SREBF2: variants seen among roughly 807,000 people sequenced by gnomAD.
The protein encoded by SREBF2 is sterol regulatory element binding transcription factor 2.
SREBF2 carries 55 observed loss-of-function variants against 113.1 expected under a neutral mutation model. That is an observed-to-expected ratio of 0.49 (90% CI 0.39 to 0.61). SREBF2 has a LOEUF of 0.61. Among genes scored for constraint, SREBF2 ranks in the 20% least tolerant of loss-of-function variants. SREBF2 has a pLI of 0.00. For synonymous variants in SREBF2, 593 were observed against 605.7 expected (o/e 0.98, Z 0.31); for missense variants, 1,349 against 1,487.4 (o/e 0.91, Z 1.53).
At chr22:41,884,429 C>T (rs1009172358) in intron 10 of SREBF2, among the ~76,000 whole-genome samples, 1 of 152,168 alleles carries the variant, frequency 6.6e-6, no homozygotes, top group Non-Finnish European at 1.5e-5. Flanking sequence ...GAGCCACTGG[C>T]ACCCAGCCAC....
At position 41,906,037 on chromosome 22, in the gene SREBF2, C is replaced by T. The variant is rs2077505843; in HGVS notation, c.*377C>T. The T allele has an allele frequency of 6.3e-6, 3 of 478,720 alleles. No homozygotes were observed. Among genetic ancestry groups the T allele is most frequent in the Middle Eastern group, 3.1e-4 (1 of 3,220 alleles). The allele number at this position is 478,720 out of a possible 1,614,324, so 29.7% of individuals were successfully genotyped here. A position where few individuals can be genotyped will look rare whatever the true frequency, so the allele number is the denominator to read the frequency against. On this transcript the variant is annotated 3_prime_UTR_variant, in exon 19 of 19. Transcript: ENST00000361204. ...TTATCAGGCTTTCTCTGGGGGACAG[C>T]AGTCTCTGAGCACCAGGGAGCAGTT...
intron 1 of SREBF2, among the ~76,000 whole-genome samples, chr22:41,851,500 T>C (rs1307057284): frequency 8.6e-6 from 1 of 116,614 alleles, no homozygotes; most frequent in Non-Finnish European, 2.0e-5. Flanking sequence ...TGTTTGTTTG[T>C]TTGTTTTTTT....
At chr22:41,886,195 G>C (rs1421835288) in intron 11 of SREBF2, 1 of 152,200 alleles carries the variant, frequency 6.6e-6, no homozygotes, top group Non-Finnish European at 1.5e-5. Context: ...TCACTTGTGG[G>C]CTAGACGACC....
intron 4 of SREBF2, among the ~76,000 whole-genome samples, chr22:41,871,560 G>A (rs1448235873): frequency 6.6e-6 from 1 of 152,116 alleles, no homozygotes. Context: ...AGCACATTGT[G>A]ATATATTCAT....
Position 41,878,063 on chromosome 22 carries a change from C to G in SREBF2, c.1701C>G (p.His567Gln), listed in dbSNP as rs772103833. The change falls in exon 9 of 19, where the codon CAC becomes CAG. Residue 567 changes from histidine to glutamine, a missense_variant. Physicochemically the swap from His to Gln is conservative, Grantham distance 24. This residue lies in a region of SREBF2 where 699 missense variants were observed against 843.3 expected (regional missense o/e 0.83). Transcript: ENST00000361204. ...LVHGEPVIRP[H>Q]SRSSVTFWRH... ...ATGGGGAGCCAGTGATCCGGCCACACTCGCGCTCCTCGGTCACCTTCTGGA... is the reference window on the plus strand; with the variant it reads ...ATGGGGAGCCAGTGATCCGGCCACAGTCGCGCTCCTCGGTCACCTTCTGGA... The G allele has an allele frequency of 6.2e-6, 10 of 1,614,060 alleles. No individual in the cohort carries two copies. In the Admixed American group the frequency reaches 1.5e-4, roughly 24 times the overall value.
intron 1 of SREBF2, among the ~76,000 whole-genome samples, chr22:41,838,143 A>G (rs186701932): frequency 1.3e-5 from 2 of 152,304 alleles, no homozygotes; most frequent in Admixed American, 1.3e-4. Flanking sequence ...ATCCTCTTCC[A>G]CTGGGATCAG....
At chr22:41,899,185 C>T (rs2077442736) in intron 15 of SREBF2, 6 of 1,130,738 alleles carry the variant, frequency 5.3e-6, no homozygotes, top group South Asian at 3.9e-5. Flanking sequence ...AACTCATGTG[C>T]ACTGGAGCAT....
chr22:41,903,814 T>G (rs1459431067), intron 17 of SREBF2, among the ~76,000 whole-genome samples: 5 of 152,158 alleles, frequency 3.3e-5, no homozygotes, highest in Non-Finnish European at 7.4e-5. Context: ...CCGTGGAGCT[T>G]GGGATTCAGC....
At chr22:41,852,685 C>G (rs571619987) in intron 1 of SREBF2, among the ~76,000 whole-genome samples, 2 of 137,370 alleles carry the variant, frequency 1.5e-5, no homozygotes, top group Non-Finnish European at 3.1e-5. Flanking sequence ...ATGAAGTTAT[C>G]TGACTGACTT....
At chr22:41,872,631 C>T (rs1441528261) in intron 4 of SREBF2, among the ~76,000 whole-genome samples, 2 of 152,166 alleles carry the variant, frequency 1.3e-5, no homozygotes, top group Admixed American at 6.5e-5. Flanking sequence ...TGGCTCACGC[C>T]TGTATTCCCA....
chr22:41,861,477 CTGAG>C (rs2077026907), intron 1 of SREBF2, among the ~76,000 whole-genome samples: 1 of 151,014 alleles, frequency 6.6e-6, no homozygotes, highest in African/African-American at 2.4e-5. Flanking sequence ...GCCTGGGCAA[CTGAG>C]TAAGACTCCA....
At chr22:41,900,841 G>T in intron 16 of SREBF2, 1 of 509,024 alleles carries the variant, frequency 2.0e-6, no homozygotes. Flanking sequence ...CCAGGCCTCT[G>T]CAGGCAGCCT....
chr22:41,898,672 T>C lies in SREBF2; in HGVS notation c.2629T>C (p.Trp877Arg). The change falls in exon 15 of 19, where the codon TGG becomes CGG. Residue 877 changes from tryptophan (W) to arginine (R), a missense_variant. By Grantham distance (101) the Trp-to-Arg change is moderately radical. Transcript: ENST00000361204. ...ALGPDIICRW[W>R]TSAITVAISW... ...AGGTCCAGACATCATCTGTCGGTGG[T>C]GGACGTCTGCAATCACTGTGGCCAT... 3 of 1,614,060 alleles carry C rather than the reference T, an allele frequency of 1.9e-6. No homozygotes were observed. The highest frequency in any genetic ancestry group is 2.5e-6 in the Non-Finnish European group (3 of 1,180,016).
chr22:41,878,239 G>A (rs2077215534), intron 9 of SREBF2, 116 bp downstream of exon 9: 6 of 1,373,602 alleles, frequency 4.4e-6, no homozygotes, highest in Non-Finnish European at 1.0e-6. Context: ...AAGGGACCCT[G>A]CTGCTGAATA....
chr22:41,864,324 T>TATATATA (rs34701406), intron 1 of SREBF2, among the ~76,000 whole-genome samples: 28 of 95,520 alleles, frequency 2.9e-4, no homozygotes, highest in Admixed American at 1.3e-3. Context: ...TATATATATA[T>TATATATA]TTTTTTTTTT....
chr22:41,889,065 T>C (rs983884744), intron 11 of SREBF2, among the ~76,000 whole-genome samples: 1 of 152,192 alleles, frequency 6.6e-6, no homozygotes, highest in African/African-American at 2.4e-5. Context: ...AAACATTCTC[T>C]ACTCACTATG....
At position 41,866,956 on chromosome 22, in the gene SREBF2, A is replaced by G. The variant is rs1212976519; in HGVS notation, c.214A>G (p.Ser72Gly). ...CAGCGGCAGCAGTGGCAGCAGCAGCAGCAGCAGCAATGGCAGGGGCAGCAG... is the reference window on the plus strand; with the variant it reads ...CAGCGGCAGCAGTGGCAGCAGCAGCGGCAGCAGCAATGGCAGGGGCAGCAG... ...SSSGSSGSSS[S>G]SSNGRGSSSG... Residue 72 changes from serine to glycine, a missense_variant, in exon 2 of 19, where the codon AGC (serine) becomes GGC (glycine). Transcript: ENST00000361204. 4 of 1,613,994 alleles carry G rather than the reference A, an allele frequency of 2.5e-6. No individual in the cohort carries two copies. The highest frequency in any genetic ancestry group is 4.5e-5 in the East Asian group (2 of 44,872).
In SREBF2 at chr22:41,906,985, G is replaced by A. The variant is rs2077514551; in HGVS notation, c.*1325G>A. 6.6e-6 allele frequency: 1 copy of A among 152,224 alleles called. No homozygotes were observed. The highest frequency in any genetic ancestry group is 2.4e-5 in the African/African-American group (1 of 41,434). The allele number at this position is 152,224 out of a possible 1,614,324, so 9.4% of individuals were successfully genotyped here. A position where few individuals can be genotyped will look rare whatever the true frequency, so the allele number is the denominator to read the frequency against. On this transcript the variant is annotated 3_prime_UTR_variant, in exon 19 of 19. Coordinates refer to ENST00000361204, the MANE Select transcript of SREBF2 (RefSeq NM_004599.4). ...CATCCTCAGGCTGGTTGGAGCAGAGGGTGGGCAGGAGCCCCAGCACAGACT... is the reference window on the plus strand; with the variant it reads ...CATCCTCAGGCTGGTTGGAGCAGAGAGTGGGCAGGAGCCCCAGCACAGACT...
chr22:41,877,188 C>T (rs762363497), intron 7 of SREBF2, 41 bp from the exon 8 acceptor site: 4 of 1,590,690 alleles, frequency 2.5e-6, no homozygotes, highest in Non-Finnish European at 1.7e-6. Context: ...CTGTAAAAAC[C>T]TATGCAGTAT....
Sources: gnomAD v4.1 joint callset for allele counts (sites outside exome capture counted in the v4.1 genomes callset) on GRCh38, gnomAD v4.1.1 for gene constraint, gnomAD v4.1.1 regional missense constraint, MANE v1.5 for transcripts, NCBI Gene and HGNC (gene_info 2026-07-23, HGNC 2026-07-21) for gene names.